Variants in CARS1 observed in about 807,000 individuals in gnomAD.
CARS1 encodes cysteinyl-tRNA synthetase 1.
Under a neutral mutation model 106.2 loss-of-function variants are expected in CARS1, and 48 were observed. The observed-to-expected ratio is 0.45, with a 90% CI of 0.36 to 0.57. The LOEUF is 0.57. Ranked by LOEUF, CARS1 falls within the 20% of genes least tolerant of loss-of-function variation. CARS1 has a pLI of 0.00. For synonymous variants in CARS1, 409 were observed against 403.4 expected (o/e 1.01, Z -0.17); for missense variants, 968 against 1,057.2 (o/e 0.92, Z 1.17).
chr11:3,051,779 C>T (rs1187473252), intron 1 of CARS1, among the ~76,000 whole-genome samples: 9 of 152,342 alleles, frequency 5.9e-5, no homozygotes, highest in Admixed American at 5.9e-4. Flanking sequence ...TGACCCTCCA[C>T]ATTCCTCTCC....
In CARS1 at chr11:3,001,138, C is replaced by CATCTGCAG; in HGVS notation, c.2464_2471dup (p.Met824IlefsTer17). The CATCTGCAG allele has an allele frequency of 6.2e-7, 1 of 1,614,046 alleles. No individual in the cohort carries two copies. The highest frequency in any genetic ancestry group is 8.5e-7 in the Non-Finnish European group (1 of 1,180,010). Reference sequence around the variant, plus strand: ...CTCACTGGAAGCTTCCATTCTGGGCCATCTGCAGATATTCCTTGTAGAGCT... The same window carrying CATCTGCAG: ...CTCACTGGAAGCTTCCATTCTGGGCCATCTGCAGATCTGCAGATATTCCTTGTAGAGCT... On this transcript the variant is annotated frameshift_variant, in exon 23 of 23. Coordinates refer to ENST00000380525, the MANE Select transcript of CARS1 (RefSeq NM_001014437.3). LOFTEE classifies it high-confidence loss of function.
At chr11:3,054,176 C>T (rs1855965602) in intron 1 of CARS1, among the ~76,000 whole-genome samples, 2 of 152,214 alleles carry the variant, frequency 1.3e-5, no homozygotes, top group Admixed American at 1.3e-4. Context: ...TCCCACTCCC[C>T]GTCCTGATCA....
Position 3,038,340 on chromosome 11 carries a change from G to A in CARS1, c.652-141C>T, listed in dbSNP as rs1853961575. On this transcript the variant is annotated intron_variant, in intron 6 of 22. Coordinates refer to ENST00000380525, the MANE Select transcript of CARS1 (RefSeq NM_001014437.3). This position sits in a 1 kb window ranked among gnomAD's most constrained non-coding sequence, Gnocchi z 4.0. ...AGAAGTGTGCAACCCAAGTGGCCAGGCAGTAAGGAACTAAGAGAGACTGAA... is the reference window on the plus strand; with the variant it reads ...AGAAGTGTGCAACCCAAGTGGCCAGACAGTAAGGAACTAAGAGAGACTGAA... 2.6e-6 allele frequency: 2 copies of A among 759,376 alleles called. No individual in the cohort carries two copies. The highest frequency in any genetic ancestry group is 4.4e-6 in the Non-Finnish European group (2 of 457,384). The allele number at this position is 759,376 out of a possible 1,614,324, so 47.0% of individuals were successfully genotyped here.
chr11:3,025,149 C>G (rs1851925243), intron 10 of CARS1, among the ~76,000 whole-genome samples: 2 of 152,182 alleles, frequency 1.3e-5, no homozygotes, highest in South Asian at 4.1e-4. Flanking sequence ...AACCCGGAGC[C>G]TGAAATGCCA....
Position 3,019,639 on chromosome 11 carries a change from G to A in CARS1, c.1267-372C>T, listed in dbSNP as rs1384300836. ...GAATTGCTTGAACCGGGACTAGGAG[G>A]CAGAGGTTGCAGTGAGCTGAGATCG... On this transcript the variant is annotated intron_variant, in intron 11 of 22. Coordinates refer to ENST00000380525, the MANE Select transcript of CARS1 (RefSeq NM_001014437.3). The surrounding 1 kb of genome is among the most constrained non-coding windows in gnomAD (Gnocchi z 6.2). Among the ~76,000 whole-genome samples, 2 of 151,846 alleles carry A rather than the reference G, an allele frequency of 1.3e-5. No individual in the cohort carries two copies. The highest frequency in any genetic ancestry group is 2.9e-5 in the Non-Finnish European group (2 of 67,990).
chr11:3,022,154 G>C lies in CARS1; in HGVS notation c.1154-1822C>G, dbSNP rs1313998086. ...CATCCGCTTCCCTGCAGCTCTAACT[G>C]AGAGTCACATAGCACGCTGACCACC... On this transcript the variant is annotated intron_variant, in intron 10 of 22. Coordinates refer to ENST00000380525, the MANE Select transcript of CARS1 (RefSeq NM_001014437.3). This position sits in a 1 kb window ranked among gnomAD's most constrained non-coding sequence, Gnocchi z 4.9. Among the ~76,000 whole-genome samples the C allele has an allele frequency of 3.9e-5, 6 of 152,158 alleles. No individual in the cohort carries two copies.
chr11:3,051,922 C>G (rs571468170), intron 1 of CARS1, among the ~76,000 whole-genome samples: 1 of 152,226 alleles, frequency 6.6e-6, no homozygotes, highest in East Asian at 1.9e-4. Context: ...CCAGCTGAGA[C>G]AGCGAGCTGA....
rs1338645864 is a variant in CARS1 at position 3,043,894 on chromosome 11, A to C, written c.275-1638T>G. ...GGGCCAGTGCTCAGCAGGAGCCCCC[A>C]CTCTAGGTGAGTTCCAGTGGTCACA... On this transcript the variant is annotated intron_variant, in intron 2 of 22. Coordinates refer to ENST00000380525, the MANE Select transcript of CARS1 (RefSeq NM_001014437.3). This position sits in a 1 kb window ranked among gnomAD's most constrained non-coding sequence, Gnocchi z 4.0. Among the ~76,000 whole-genome samples, 1 of 151,946 alleles carries C rather than the reference A, an allele frequency of 6.6e-6. No individual in the cohort carries two copies. Among genetic ancestry groups the C allele is most frequent in the Non-Finnish European group, 1.5e-5 (1 of 67,974 alleles).
rs557094960 is a variant in CARS1, at chr11:3,022,441, C to T, written c.1154-2109G>A. ...AACCCCTCCCCAAATCTCAGGGAGG[C>T]GGATCTGAGGTTTCCTCCCATCTCC... On this transcript the variant is annotated intron_variant, in intron 10 of 22. Coordinates refer to ENST00000380525, the MANE Select transcript of CARS1 (RefSeq NM_001014437.3). This position sits in a 1 kb window ranked among gnomAD's most constrained non-coding sequence, Gnocchi z 4.9. Among the ~76,000 whole-genome samples the T allele has an allele frequency of 2.6e-5, 4 of 152,252 alleles. 1 individual carries two copies. The highest frequency in any genetic ancestry group is 7.2e-5 in the African/African-American group (3 of 41,546).
chr11:3,031,296 T>C (rs1399062500), intron 7 of CARS1: 2 of 152,196 alleles, frequency 1.3e-5, no homozygotes, highest in African/African-American at 4.8e-5. Flanking sequence ...GGGCAGCCGA[T>C]GTTTTCAACA....
In CARS1 at chr11:3,043,629, C is replaced by T. The variant is rs938066245; in HGVS notation, c.275-1373G>A. Among the ~76,000 whole-genome samples the T allele has an allele frequency of 2.6e-5, 4 of 151,972 alleles. No individual in the cohort carries two copies. The highest frequency in any genetic ancestry group is 5.9e-5 in the Non-Finnish European group (4 of 67,996). On this transcript the variant is annotated intron_variant, in intron 2 of 22. Coordinates refer to ENST00000380525, the MANE Select transcript of CARS1 (RefSeq NM_001014437.3). This position sits in a 1 kb window ranked among gnomAD's most constrained non-coding sequence, Gnocchi z 4.0. Reference sequence around the variant, plus strand: ...GCTCGCATCCTGCCTCCTCCTGTCCCTGGTTTCTGTGCCAGAGGGTCTGGC... The same window carrying T: ...GCTCGCATCCTGCCTCCTCCTGTCCTTGGTTTCTGTGCCAGAGGGTCTGGC...
rs1855814813 is a variant in CARS1, at chr11:3,052,662, C to T, written c.26-4661G>A. ...AGAAAGGTGCTGGTGCCCAGGGAAGCACAGGAGAATGACAGGCTTCCATGA... is the reference window on the plus strand; with the variant it reads ...AGAAAGGTGCTGGTGCCCAGGGAAGTACAGGAGAATGACAGGCTTCCATGA... On this transcript the variant is annotated intron_variant, in intron 1 of 22. Transcript: ENST00000380525. The surrounding 1 kb of genome is among the most constrained non-coding windows in gnomAD (Gnocchi z 4.6). 6.6e-6 allele frequency among the ~76,000 whole-genome samples: 1 copy of T among 152,166 alleles called. No homozygotes were observed. Among genetic ancestry groups the T allele is most frequent in the African/African-American group, 2.4e-5 (1 of 41,424 alleles).
chr11:3,039,570 G>C lies in CARS1; in HGVS notation c.552+265C>G, dbSNP rs1388708855. Among the ~76,000 whole-genome samples, 1 of 152,226 alleles carries C rather than the reference G, an allele frequency of 6.6e-6. No homozygotes were observed. Among genetic ancestry groups the C allele is most frequent in the Non-Finnish European group, 1.5e-5 (1 of 68,046 alleles). On this transcript the variant is annotated intron_variant, in intron 5 of 22. Transcript: ENST00000380525. The surrounding 1 kb of genome is among the most constrained non-coding windows in gnomAD (Gnocchi z 5.6). ...CTGCAAGCCACATGTCGAAGTGCGTGCTGTGGGAGGCCTTCCTTCTGCAAA... is the reference window on the plus strand; with the variant it reads ...CTGCAAGCCACATGTCGAAGTGCGTCCTGTGGGAGGCCTTCCTTCTGCAAA...
chr11:3,016,887 T>C lies in CARS1; in HGVS notation c.1917+219A>G, dbSNP rs557864736. ...CCTGGCCTCCCACAGTGTTGGATTATAGATGTGAGCCACTGTGCTCCGCTT... is the reference window on the plus strand; with the variant it reads ...CCTGGCCTCCCACAGTGTTGGATTACAGATGTGAGCCACTGTGCTCCGCTT... On this transcript the variant is annotated intron_variant, in intron 16 of 22. Transcript: ENST00000380525. Among the ~76,000 whole-genome samples, 3 of 152,302 alleles carry C rather than the reference T, an allele frequency of 2.0e-5. No homozygotes were observed. In the South Asian group the frequency reaches 6.2e-4, roughly 32 times the overall value.
At position 3,040,723 on chromosome 11, in the gene CARS1, A is replaced by T; in HGVS notation, c.455+173T>A. The T allele has an allele frequency of 1.4e-6, 1 of 701,002 alleles. No homozygotes were observed. The highest frequency in any genetic ancestry group is 2.4e-6 in the Non-Finnish European group (1 of 414,322). The allele number at this position is 701,002 out of a possible 1,614,324, so 43.4% of individuals were successfully genotyped here. ...GTGAATATAGATTACTTATGGCATT[A>T]AAATTTTCATCTTAAAAATAAGAGA... On this transcript the variant is annotated intron_variant, in intron 4 of 22. Transcript: ENST00000380525. This position sits in a 1 kb window ranked among gnomAD's most constrained non-coding sequence, Gnocchi z 5.8.
At position 3,017,744 on chromosome 11, in the gene CARS1, G is replaced by T; in HGVS notation, c.1727+113C>A. ...CCTGAATTAATTCTGCACAACGTAC[G>T]ACAGTGTCCCCAGCCCTTCCTCGAC... On this transcript the variant is annotated intron_variant, in intron 15 of 22. Transcript: ENST00000380525. The surrounding 1 kb of genome is among the most constrained non-coding windows in gnomAD (Gnocchi z 4.9). The T allele has an allele frequency of 1.4e-6, 1 of 716,230 alleles. No individual in the cohort carries two copies. 44.4% of individuals were successfully genotyped at this position (716,230 alleles called of 1,614,324 possible).
chr11:3,011,911 TG>T (rs1225407296), intron 18 of CARS1, among the ~76,000 whole-genome samples: 2 of 152,188 alleles, frequency 1.3e-5, no homozygotes, highest in East Asian at 3.8e-4. Flanking sequence ...AAATCAACCC[TG>T]GCCCATCATA....
In CARS1 at chr11:3,020,841, C is replaced by T. The variant is rs1461379453; in HGVS notation, c.1154-509G>A. 6.6e-6 allele frequency among the ~76,000 whole-genome samples: 1 copy of T among 152,170 alleles called. No homozygotes were observed. The highest frequency in any genetic ancestry group is 6.5e-5 in the Admixed American group (1 of 15,280). On this transcript the variant is annotated intron_variant, in intron 10 of 22. Coordinates refer to ENST00000380525, the MANE Select transcript of CARS1 (RefSeq NM_001014437.3). This position sits in a 1 kb window ranked among gnomAD's most constrained non-coding sequence, Gnocchi z 4.6. ...AGCTGCTGTGTACTACTGCAGGGAA[C>T]CTGGTGGCAGTGCAGTGGTGAAGGG...
In CARS1 at chr11:3,000,951, A is replaced by G. The variant is rs866418855; in HGVS notation, c.*163T>C. The G allele has an allele frequency of 4.2e-5, 31 of 741,812 alleles. No individual in the cohort carries two copies. The highest frequency in any genetic ancestry group is 3.6e-4 in the East Asian group (14 of 38,760). 46.0% of individuals were successfully genotyped at this position (741,812 alleles called of 1,614,324 possible). On this transcript the variant is annotated 3_prime_UTR_variant, in exon 23 of 23. Transcript: ENST00000380525. The surrounding 1 kb of genome is among the most constrained non-coding windows in gnomAD (Gnocchi z 7.1). Reference sequence around the variant, plus strand: ...GTCTCACTGTTGAGAAAAATTTATTATCAATGTCTCAGAGCCAACGACGAC... The same window carrying G: ...GTCTCACTGTTGAGAAAAATTTATTGTCAATGTCTCAGAGCCAACGACGAC...
Sources: allele counts gnomAD v4.1 joint callset (sites outside exome capture counted in the v4.1 genomes callset), GRCh38; gene constraint gnomAD v4.1.1; non-coding constraint Gnocchi (gnomAD v3.1); transcripts MANE v1.5; gene names NCBI Gene and HGNC (gene_info 2026-07-23, HGNC 2026-07-21).